Variants in CCNH observed in about 807,000 individuals in gnomAD.
CCNH encodes the protein cyclin-H.
A neutral mutation model predicts 41.9 loss-of-function variants in CCNH; 31 were observed. The ratio of observed to expected loss-of-function variants is 0.74; its 90% CI spans 0.56 to 1.00. The LOEUF (loss-of-function observed/expected upper bound fraction) is 1.00, where lower values mean the gene tolerates loss of function less well. Among genes scored for constraint, CCNH ranks in the 50% least tolerant of loss-of-function variants. The pLI, the probability that CCNH is intolerant of heterozygous loss-of-function variation, is 0.00. For missense variants in CCNH, 362 were observed against 388.4 expected (o/e 0.93, Z 0.57); for synonymous variants, 138 against 136.1 (o/e 1.01, Z -0.10).
chr5:87,341,310 T>G lies in CCNH; in HGVS notation c.*91-22413A>C, dbSNP rs1360952124. On this transcript the variant is annotated intron_variant and NMD_transcript_variant, in intron 9 of 9. Transcript: ENST00000645953. ...TTTAGGGCCGGGAAGAAGATCCACA[T>G]GAAGGAAAAATGTGAGTTTGTGTTA... is the stretch of plus-strand genomic sequence containing the variant. 7.4e-7 allele frequency: 1 copy of G among 1,355,242 alleles called. No individual in the cohort carries two copies. Among genetic ancestry groups the G allele is most frequent in the Non-Finnish European group, 9.6e-7 (1 of 1,046,096 alleles). The allele number at this position is 1,355,242 out of a possible 1,614,324, so 84.0% of individuals were successfully genotyped here. A position where few individuals can be genotyped will look rare whatever the true frequency, so the allele number is the denominator to read the frequency against.
At chr5:87,371,901 C>T (rs968382239), downstream of CCNH, among the ~76,000 whole-genome samples, 6 of 151,912 alleles carry the variant, frequency 3.9e-5, no homozygotes, top group African/African-American at 9.7e-5. Flanking sequence ...AAGATTTATA[C>T]AGAATTACAA....
At chr5:87,362,225 TTA>T (rs757974315) in intron 9 of CCNH, among the ~76,000 whole-genome samples, 8 of 152,216 alleles carry the variant, frequency 5.3e-5, no homozygotes, top group Non-Finnish European at 7.3e-5. Flanking sequence ...TGGGACAAGT[TTA>T]TGTTTTTAAA....
At chr5:87,317,008 G>A (rs1470470639), downstream of CCNH, among the ~76,000 whole-genome samples, 1 of 151,860 alleles carries the variant, frequency 6.6e-6, no homozygotes, top group Non-Finnish European at 1.5e-5. Flanking sequence ...TCAGACTCCC[G>A]AGTAGCTGGG....
intron 7 of CCNH, 108 bp downstream of exon 7, chr5:87,399,285 TG>T: frequency 1.3e-6 from 1 of 765,158 alleles, no homozygotes; most frequent in Admixed American, 2.1e-5. Context: ...TCTGATTTTA[TG>T]GATCAGTCAG....
intron 9 of CCNH, among the ~76,000 whole-genome samples, chr5:87,340,702 A>G (rs1813176): frequency 0.032 from 4,863 of 152,256 alleles, 162 homozygotes; most frequent in African/African-American, 0.074. Context: ...GTCTTACTGA[A>G]GAGGTAGCAT....
chr5:87,321,867 A>C (rs1756841478), intron 9 of CCNH, among the ~76,000 whole-genome samples: 1 of 152,250 alleles, frequency 6.6e-6, no homozygotes, highest in Non-Finnish European at 1.5e-5. Flanking sequence ...ATTATGACCC[A>C]CAGTCAGAAA....
chr5:87,409,629 C>CGTGTGTGTGTGTGTGTGTGT (rs71610500), intron 2 of CCNH, among the ~76,000 whole-genome samples: 22 of 145,990 alleles, frequency 1.5e-4, no homozygotes, highest in South Asian at 2.2e-4. Context: ...TTTAAAAATA[C>CGTGTGTGTGTGTGTGTGTGT]GTGTGTGTGT....
chr5:87,323,071 T>C (rs1756944834), intron 9 of CCNH, among the ~76,000 whole-genome samples: 1 of 152,178 alleles, frequency 6.6e-6, no homozygotes. Flanking sequence ...TGGGGATTGC[T>C]CTCATAGAGG....
At chr5:87,317,720 C>T (rs375665259), downstream of CCNH, among the ~76,000 whole-genome samples, 115 of 151,822 alleles carry the variant, frequency 7.6e-4, no homozygotes, top group Middle Eastern at 3.4e-3. Flanking sequence ...ACTGCAGCCT[C>T]GGCCACCTGG....
chr5:87,367,053 A>G (rs1457761354), intron 9 of CCNH, among the ~76,000 whole-genome samples: 1 of 152,160 alleles, frequency 6.6e-6, no homozygotes, highest in Non-Finnish European at 1.5e-5. Flanking sequence ...ACCAAAAACA[A>G]CAACAAAAAT....
chr5:87,384,142 G>C (rs546372874), intron 9 of CCNH, among the ~76,000 whole-genome samples: 1 of 152,100 alleles, frequency 6.6e-6, no homozygotes, highest in East Asian at 1.9e-4. Flanking sequence ...CTGCCAGCTA[G>C]ATCTTCAAGA....
At chr5:87,394,828 A>G (rs1283003289) in intron 8 of CCNH, 3 of 1,362,898 alleles carry the variant, frequency 2.2e-6, no homozygotes, top group East Asian at 5.4e-5. Context: ...TCTGCTTTCT[A>G]TGAACACAGG....
intron 9 of CCNH, among the ~76,000 whole-genome samples, chr5:87,323,858 C>T (rs1035360687): frequency 2.0e-5 from 3 of 152,060 alleles, no homozygotes; most frequent in Non-Finnish European, 4.4e-5. Flanking sequence ...GAAATGTATG[C>T]TAAAATTCTA....
At chr5:87,374,729 GT>G (rs200643915), downstream of CCNH, 14,159 of 1,099,242 alleles carry the variant, frequency 0.013, no homozygotes, top group East Asian at 0.016. Context: ...CTAGCACACT[GT>G]TTTTTTTTTT....
intron 9 of CCNH, among the ~76,000 whole-genome samples, chr5:87,364,656 C>T (rs1760371026): frequency 6.6e-6 from 1 of 152,040 alleles, no homozygotes; most frequent in Non-Finnish European, 1.5e-5. Flanking sequence ...TGATTCAGGC[C>T]TCTGTCTTTT....
At chr5:87,320,746 T>C (rs1756732377) in intron 9 of CCNH, among the ~76,000 whole-genome samples, 1 of 152,186 alleles carries the variant, frequency 6.6e-6, no homozygotes, top group Non-Finnish European at 1.5e-5. Flanking sequence ...AGGGAGGTAA[T>C]GTATTCAGTT....
At chr5:87,320,447 A>G (rs550584593) in intron 9 of CCNH, among the ~76,000 whole-genome samples, 4 of 152,346 alleles carry the variant, frequency 2.6e-5, no homozygotes, top group African/African-American at 9.6e-5. Flanking sequence ...ACAGTTCTGT[A>G]GGCTGTACAG....
chr5:87,394,875 AAT>A, intron 8 of CCNH, 167 bp downstream of exon 8: 1 of 1,402,952 alleles, frequency 7.1e-7, no homozygotes. Context: ...AAGAGAGAAA[AAT>A]CCCTTTAATA....
chr5:87,315,788 A>C (rs138716945), downstream of CCNH, among the ~76,000 whole-genome samples: 254 of 152,318 alleles, frequency 1.7e-3, 1 homozygote, highest in African/African-American at 5.9e-3. Flanking sequence ...AAGCAGATTA[A>C]ATACTTCCTA....
Sources: allele counts gnomAD v4.1 joint callset (sites outside exome capture counted in the v4.1 genomes callset), GRCh38; gene constraint gnomAD v4.1.1; transcripts MANE v1.5; gene names NCBI Gene and HGNC (gene_info 2026-07-23, HGNC 2026-07-21).